PIBF1: variants seen among roughly 807,000 people sequenced by gnomAD.
PIBF1 encodes progesterone-induced-blocking factor 1.
In PIBF1, 90 loss-of-function variants were observed where a neutral mutation model predicts 112.5. That is an observed-to-expected ratio of 0.80 (90% CI 0.67 to 0.95). The LOEUF is 0.95. Among genes scored for constraint, PIBF1 ranks in the 40% least tolerant of loss-of-function variants. PIBF1 has a pLI of 0.00. For missense variants in PIBF1, 915 were observed against 852.3 expected, an observed-to-expected ratio of 1.07 and a Z score of -0.92; for synonymous variants, 301 against 288.6, an observed-to-expected ratio of 1.04 and a Z score of -0.44.
intron 14 of PIBF1, among the ~76,000 whole-genome samples, chr13:72,932,740 T>C (rs1462414503): frequency 6.6e-6 from 1 of 152,208 alleles, no homozygotes; most frequent in Non-Finnish European, 1.5e-5. Flanking sequence ...AATTTTAAAT[T>C]GACAAATTTG....
chr13:72,927,958 T>TATAC lies in PIBF1; in HGVS notation c.1731-3206_1731-3205insTACA, dbSNP rs1354110275. On this transcript the variant is annotated intron_variant, in intron 13 of 17. Transcript: ENST00000326291. ...TAATATATGTGTGTATATATATATA[T>TATAC]ACACATATATATATATATACATATA... Among the ~76,000 whole-genome samples, 57 of 73,124 alleles carry TATAC rather than the reference T, an allele frequency of 7.8e-4. 3 individuals are homozygous for TATAC. Among genetic ancestry groups the TATAC allele is most frequent in the African/African-American group, 3.2e-3 (56 of 17,536 alleles). The allele number at this position is 73,124 out of a possible 152,430, so 48.0% of individuals were successfully genotyped here.
intron 5 of PIBF1, among the ~76,000 whole-genome samples, chr13:72,803,140 G>C (rs1370460365): frequency 6.6e-6 from 1 of 152,096 alleles, no homozygotes; most frequent in Non-Finnish European, 1.5e-5. Flanking sequence ...ACTGGACATA[G>C]AGTATAGACA....
chr13:72,914,989 TGG>T (rs2041031558), intron 12 of PIBF1, among the ~76,000 whole-genome samples: 1 of 152,146 alleles, frequency 6.6e-6, no homozygotes, highest in Admixed American at 6.6e-5. Flanking sequence ...TAATCACCTG[TGG>T]ATTGAAAATA....
intron 17 of PIBF1, among the ~76,000 whole-genome samples, chr13:73,008,430 T>C (rs2044103487): frequency 6.6e-6 from 1 of 152,194 alleles, no homozygotes; most frequent in Non-Finnish European, 1.5e-5. Context: ...TAGAAAGGCT[T>C]GAATAGACTC....
In PIBF1 at chr13:72,825,880, A is replaced by G. The variant is rs1209284906; in HGVS notation, c.807-1130A>G. ...CAGGACTTTAAGACTAGCCAGGGCAATATAGCAAGACCGTCTTTACAAAAA... is the reference window on the plus strand; with the variant it reads ...CAGGACTTTAAGACTAGCCAGGGCAGTATAGCAAGACCGTCTTTACAAAAA... On this transcript the variant is annotated intron_variant, in intron 6 of 17. Transcript: ENST00000326291. Among the ~76,000 whole-genome samples, 6 of 151,272 alleles carry G rather than the reference A, an allele frequency of 4.0e-5. No homozygotes were observed. The East Asian group carries it at 1.2e-3, about 29-fold the overall frequency.
chr13:72,918,531 G>A (rs1234114589), intron 13 of PIBF1, among the ~76,000 whole-genome samples: 1 of 151,342 alleles, frequency 6.6e-6, no homozygotes, highest in Non-Finnish European at 1.5e-5. Context: ...GGGACTACAG[G>A]CGTGCACCAC....
At chr13:72,882,153 C>T (rs1397157410) in intron 10 of PIBF1, among the ~76,000 whole-genome samples, 2 of 151,998 alleles carry the variant, frequency 1.3e-5, no homozygotes, top group Non-Finnish European at 2.9e-5. Flanking sequence ...CTCCAGCAAA[C>T]TTATTTTTGA....
At chr13:72,828,034 T>A in intron 8 of PIBF1, 120 bp downstream of exon 8, 1 of 397,050 alleles carries the variant, frequency 2.5e-6, no homozygotes, top group Non-Finnish European at 4.3e-6. Flanking sequence ...ATGATAATAC[T>A]AAGATAATAC....
intron 9 of PIBF1, among the ~76,000 whole-genome samples, chr13:72,845,111 C>G (rs1159204199): frequency 6.6e-6 from 1 of 151,958 alleles, no homozygotes. Flanking sequence ...CATGCATTAG[C>G]TGTTTGTCCT....
chr13:73,015,569 T>A (rs77709894), intron 17 of PIBF1, among the ~76,000 whole-genome samples: 1 of 152,202 alleles, frequency 6.6e-6, no homozygotes, highest in South Asian at 2.1e-4. Flanking sequence ...ATGTCCTTGA[T>A]TTTTTTATAA....
chr13:72,897,871 A>G (rs897598863), intron 11 of PIBF1, among the ~76,000 whole-genome samples: 1 of 152,246 alleles, frequency 6.6e-6, no homozygotes, highest in Non-Finnish European at 1.5e-5. Context: ...TCAGTACTCC[A>G]CTGACAGCAC....
chr13:72,857,203 G>GA (rs746675152), intron 10 of PIBF1, among the ~76,000 whole-genome samples: 14 of 152,156 alleles, frequency 9.2e-5, no homozygotes, highest in Non-Finnish European at 1.3e-4. Context: ...AAGGGGAAAA[G>GA]AAAATTGAGA....
At chr13:72,845,822 A>C (rs1031443384) in intron 9 of PIBF1, among the ~76,000 whole-genome samples, 1 of 152,066 alleles carries the variant, frequency 6.6e-6, no homozygotes, top group African/African-American at 2.4e-5. Context: ...GTGTGTTCAT[A>C]TCCACTATCA....
chr13:72,947,769 A>G (rs1418427323), intron 14 of PIBF1, among the ~76,000 whole-genome samples: 4 of 152,208 alleles, frequency 2.6e-5, no homozygotes, highest in African/African-American at 9.6e-5. Flanking sequence ...TCATTCTAAT[A>G]TAAAAACACG....
intron 14 of PIBF1, among the ~76,000 whole-genome samples, chr13:72,941,232 G>T (rs2041999808): frequency 6.6e-6 from 1 of 152,188 alleles, no homozygotes; most frequent in Non-Finnish European, 1.5e-5. Context: ...CAGTATAACA[G>T]AGAAAACAAG....
At chr13:73,002,561 A>G (rs1290435278) in intron 17 of PIBF1, among the ~76,000 whole-genome samples, 2 of 152,114 alleles carry the variant, frequency 1.3e-5, no homozygotes, top group Non-Finnish European at 2.9e-5. Context: ...TTCTGCTGCC[A>G]TCCTATTCGA....
At chr13:72,949,794 TTA>T (rs1491207973) in intron 14 of PIBF1, among the ~76,000 whole-genome samples, 1 of 151,930 alleles carries the variant, frequency 6.6e-6, no homozygotes, top group Non-Finnish European at 1.5e-5. Context: ...TTTTTTATTA[TTA>T]TTTTTTTAAC....
chr13:72,829,279 T>C (rs1168566801), intron 8 of PIBF1, among the ~76,000 whole-genome samples: 1 of 152,212 alleles, frequency 6.6e-6, no homozygotes, highest in Non-Finnish European at 1.5e-5. Flanking sequence ...GCTCTTTAGT[T>C]TAATTAGATT....
intron 6 of PIBF1, 110 bp from the exon 7 acceptor site, chr13:72,826,900 C>G (rs1179809479): frequency 1.9e-6 from 1 of 516,548 alleles, no homozygotes; most frequent in African/African-American, 2.0e-5. Context: ...ACTGAAGCCC[C>G]ATTGCTAGTG....
Sources: gnomAD v4.1 joint callset for allele counts (sites outside exome capture counted in the v4.1 genomes callset) on GRCh38, gnomAD v4.1.1 for gene constraint, MANE v1.5 for transcripts, NCBI Gene and HGNC (gene_info 2026-07-23, HGNC 2026-07-21) for gene names.